ATXN3: variants seen among roughly 807,000 people sequenced by gnomAD.
ATXN3 encodes ataxin 3.
A neutral mutation model predicts 58.2 loss-of-function variants in ATXN3; 28 were observed. That is an observed-to-expected ratio of 0.48 (90% confidence interval 0.36 to 0.66). ATXN3 has a LOEUF of 0.66. Ranked by LOEUF, ATXN3 falls within the 30% of genes least tolerant of loss-of-function variation. The pLI is 0.00. For missense variants in ATXN3, 321 were observed against 422.1 expected, an observed-to-expected ratio of 0.76 and a Z score of 2.10; for synonymous variants, 113 against 138.5, an observed-to-expected ratio of 0.82 and a Z score of 1.29.
At chr14:92,084,414 C>T (rs1033567128) in intron 6 of ATXN3, among the ~76,000 whole-genome samples, 25 of 152,116 alleles carry the variant, frequency 1.6e-4, no homozygotes, top group Non-Finnish European at 3.2e-4. Flanking sequence ...AGGTGTCAAA[C>T]GTGTGGTTTG....
intron 5 of ATXN3, among the ~76,000 whole-genome samples, chr14:92,089,284 T>C (rs1313398017): frequency 6.9e-6 from 1 of 145,684 alleles, no homozygotes; most frequent in African/African-American, 2.6e-5. Context: ...CTCCCAAAGT[T>C]CTGGGATTAC....
intron 8 of ATXN3, among the ~76,000 whole-genome samples, chr14:92,081,465 C>CAAAAAAAAAAAAACAA (rs2061448809): frequency 1.2e-5 from 1 of 82,976 alleles, no homozygotes. Context: ...GACTCTGACT[C>CAAAAAAAAAAAAACAA]AAAAAAAAAA....
At chr14:92,081,465 C>CAAAAAAAAAAAAAA (rs58398762) in intron 8 of ATXN3, among the ~76,000 whole-genome samples, 1 of 82,978 alleles carries the variant, frequency 1.2e-5, no homozygotes, top group Non-Finnish European at 2.5e-5. Flanking sequence ...GACTCTGACT[C>CAAAAAAAAAAAAAA]AAAAAAAAAA....
chr14:92,076,719 T>C (rs1219444848), intron 9 of ATXN3, among the ~76,000 whole-genome samples: 2 of 151,804 alleles, frequency 1.3e-5, no homozygotes, highest in Admixed American at 1.3e-4. Flanking sequence ...GTAGGCAGAT[T>C]GCCTGAGCTC....
intron 10 of ATXN3, 122 bp from the exon 11 acceptor site, chr14:92,064,536 A>G (rs1354455295): frequency 1.4e-6 from 1 of 696,820 alleles, no homozygotes. Flanking sequence ...GATTTAATAC[A>G]TATAAAGCAA....
Position 92,096,841 on chromosome 14 carries a change from A to G in ATXN3, c.25-3T>C. ...TGAGCACAAAGTGAGCCTTCTTGCT[A>G]ATATTTCCAAAAGAAAAAATTAAAA... On this transcript the variant is annotated splice_polypyrimidine_tract_variant and splice_region_variant and intron_variant, in intron 1 of 10. Transcript: ENST00000644486. 2 of 1,612,448 alleles carry G rather than the reference A, an allele frequency of 1.2e-6. No homozygotes were observed. Among genetic ancestry groups the G allele is most frequent in the Non-Finnish European group, 1.7e-6 (2 of 1,178,892 alleles).
rs749214501 is a variant in ATXN3, at chr14:92,059,371, G to A, written c.*4949C>T. 2.0e-5 allele frequency: 3 copies of A among 152,000 alleles called. No individual in the cohort carries two copies. Among genetic ancestry groups the A allele is most frequent in the Non-Finnish European group, 4.4e-5 (3 of 68,018 alleles). 9.4% of individuals were successfully genotyped at this position (152,000 alleles called of 1,614,324 possible). A position where few individuals can be genotyped will look rare whatever the true frequency, so the allele number is the denominator to read the frequency against. ...AAGCAAAAAGATGCTGGTTATAAAG[G>A]GGCCAGAAATAAAAGAAAGTTTTTA... is the stretch of plus-strand genomic sequence containing the variant. On this transcript the variant is annotated 3_prime_UTR_variant, in exon 11 of 11. Transcript: ENST00000644486.
chr14:92,074,184 G>A (rs1472816353), intron 9 of ATXN3, among the ~76,000 whole-genome samples: 1 of 149,748 alleles, frequency 6.7e-6, no homozygotes, highest in South Asian at 2.1e-4. Context: ...AAAATTGGCT[G>A]GGCACAGTGG....
At chr14:92,070,889 T>C (rs769619585) in intron 10 of ATXN3, 46 bp downstream of exon 10, 27 of 1,613,916 alleles carry the variant, frequency 1.7e-5, no homozygotes, top group Non-Finnish European at 2.3e-5. Flanking sequence ...GTATGTCAGA[T>C]AAAGTGTGAA....
chr14:92,052,507 T>A (rs1337528873), upstream of ATXN3, among the ~76,000 whole-genome samples: 1 of 151,388 alleles, frequency 6.6e-6, no homozygotes, highest in African/African-American at 2.4e-5. Flanking sequence ...AAAAAAAAAA[T>A]TAGCATTTCT....
At chr14:92,104,076 T>C (rs565746446) in intron 1 of ATXN3, among the ~76,000 whole-genome samples, 69 of 152,340 alleles carry the variant, frequency 4.5e-4, no homozygotes, top group African/African-American at 1.5e-3. Context: ...TTGATGATAA[T>C]GGTAAAGGTA....
chr14:92,053,711 C>G (rs1425340309), downstream of ATXN3, among the ~76,000 whole-genome samples: 3 of 151,952 alleles, frequency 2.0e-5, no homozygotes, highest in South Asian at 4.1e-4. Flanking sequence ...GTTGCTCAAG[C>G]TGGTCTCAAA....
upstream of ATXN3, among the ~76,000 whole-genome samples, chr14:92,052,488 T>C (rs2140163950): frequency 6.7e-6 from 1 of 149,434 alleles, no homozygotes; most frequent in Non-Finnish European, 1.5e-5. Context: ...AAACTCCATC[T>C]CAAAGAAAAA....
chr14:92,091,700 T>A (rs1158267906), intron 5 of ATXN3, among the ~76,000 whole-genome samples: 1 of 138,302 alleles, frequency 7.2e-6, no homozygotes, highest in Non-Finnish European at 1.6e-5. Flanking sequence ...AGTGTATAAT[T>A]TGAAACTTTT....
chr14:92,062,803 A>G lies in ATXN3; in HGVS notation c.*1517T>C, dbSNP rs945187105. Reference sequence around the variant, plus strand: ...TTCTTCTCTTTTCAGTTAGTTAGCAATAAATCCTAGATCAAAAAACTTTCC... The same window carrying G: ...TTCTTCTCTTTTCAGTTAGTTAGCAGTAAATCCTAGATCAAAAAACTTTCC... On this transcript the variant is annotated 3_prime_UTR_variant, in exon 11 of 11. Coordinates refer to ENST00000644486, the MANE Select transcript of ATXN3 (RefSeq NM_004993.6). 6.6e-6 allele frequency: 1 copy of G among 152,640 alleles called. No homozygotes were observed. Among genetic ancestry groups the G allele is most frequent in the Non-Finnish European group, 1.5e-5 (1 of 68,042 alleles). 9.5% of individuals were successfully genotyped at this position (152,640 alleles called of 1,614,324 possible). A position where few individuals can be genotyped will look rare whatever the true frequency, so the allele number is the denominator to read the frequency against.
rs2059706754 is a variant in ATXN3 at position 92,072,978 on chromosome 14, T to C, written c.873-1925A>G. Among the ~76,000 whole-genome samples the C allele has an allele frequency of 2.0e-5, 3 of 152,348 alleles. No homozygotes were observed. In the South Asian group the frequency reaches 6.2e-4, roughly 32 times the overall value. On this transcript the variant is annotated intron_variant, in intron 9 of 10. Transcript: ENST00000644486. ...TGTAGGTGTAAGACCTTAGTGTGCA[T>C]GGCTAATGATGCACGTAAGGGCAGT... is the stretch of plus-strand genomic sequence containing the variant.
chr14:92,077,071 A>C (rs2140528167), intron 9 of ATXN3, among the ~76,000 whole-genome samples: 1 of 152,304 alleles, frequency 6.6e-6, no homozygotes, highest in Admixed American at 6.5e-5. Context: ...ATAATCTGAC[A>C]TCCTCAGAAA....
intron 9 of ATXN3, among the ~76,000 whole-genome samples, chr14:92,073,230 G>C (rs899951559): frequency 6.6e-6 from 1 of 152,202 alleles, no homozygotes; most frequent in African/African-American, 2.4e-5. Context: ...TGTCCACCTT[G>C]AAACAATGTA....
Position 92,060,270 on chromosome 14 carries a change from A to ACACACATATATATATATATATATTTT in ATXN3, c.*4049_*4050insAAAATATATATATATATATATGTGTG, listed in dbSNP as rs2057680565. 1 of 117,406 alleles carries ACACACATATATATATATATATATTTT rather than the reference A, an allele frequency of 8.5e-6. No homozygotes were observed. The highest frequency in any genetic ancestry group is 3.5e-5 in the African/African-American group (1 of 28,336). The allele number at this position is 117,406 out of a possible 1,614,324, so 7.3% of individuals were successfully genotyped here. On this transcript the variant is annotated 3_prime_UTR_variant, in exon 11 of 11. Coordinates refer to ENST00000644486, the MANE Select transcript of ATXN3 (RefSeq NM_004993.6). ...CACACATATATATATATATATATATATTTTTTTTTTTCAGAAACAGTGTCT... is the reference window on the plus strand; with the variant it reads ...CACACATATATATATATATATATATACACACATATATATATATATATATTTTTTTTTTTTTTTCAGAAACAGTGTCT...
Sources: gnomAD v4.1 joint callset for allele counts (sites outside exome capture counted in the v4.1 genomes callset) on GRCh38, gnomAD v4.1.1 for gene constraint, MANE v1.5 for transcripts, NCBI Gene and HGNC (gene_info 2026-07-23, HGNC 2026-07-21) for gene names.